RYR2: variants seen among roughly 807,000 people sequenced by gnomAD.
The protein encoded by RYR2 is ryanodine receptor 2, also known as cardiac muscle ryanodine receptor-calcium release channel.
Under a neutral mutation model 601.1 loss-of-function variants are expected in RYR2, and 227 were observed. The observed-to-expected ratio is 0.38, with a 90% confidence interval of 0.34 to 0.42. The LOEUF (loss-of-function observed/expected upper bound fraction) is 0.42, where lower values mean the gene tolerates loss of function less well. Ranked by LOEUF, RYR2 falls within the 10% of genes least tolerant of loss-of-function variation. The pLI, the probability that RYR2 is intolerant of heterozygous loss-of-function variation, is 1.00. For synonymous variants in RYR2, 2,223 were observed against 2,175.1 expected (o/e 1.02, Z -0.61); for missense variants, 4,646 against 6,156.5 (o/e 0.75, Z 8.21).
At chr1:237,312,668 G>A (rs1195585605) in intron 2 of RYR2, among the ~76,000 whole-genome samples, 1 of 152,152 alleles carries the variant, frequency 6.6e-6, no homozygotes, top group Non-Finnish European at 1.5e-5. Context: ...GACATAGGGA[G>A]ACTATAAACT....
chr1:237,699,512 C>T (rs1417895332), intron 64 of RYR2, among the ~76,000 whole-genome samples: 1 of 152,166 alleles, frequency 6.6e-6, no homozygotes, highest in Non-Finnish European at 1.5e-5. Flanking sequence ...AGAAATCTAG[C>T]ATGTTGACCA....
At chr1:237,510,478 A>G (rs942178689) in intron 23 of RYR2, among the ~76,000 whole-genome samples, 2 of 152,190 alleles carry the variant, frequency 1.3e-5, no homozygotes, top group African/African-American at 4.8e-5. Flanking sequence ...GAATAAAATT[A>G]CATAACTCAA....
At chr1:237,491,300 C>T (rs987384304) in intron 17 of RYR2, among the ~76,000 whole-genome samples, 1 of 152,082 alleles carries the variant, frequency 6.6e-6, no homozygotes. Flanking sequence ...GTCATGATCT[C>T]CATGGATTGG....
At chr1:237,636,237 C>A (rs1680859411) in intron 44 of RYR2, among the ~76,000 whole-genome samples, 1 of 151,638 alleles carries the variant, frequency 6.6e-6, no homozygotes. Context: ...AAATTCATCC[C>A]CTACTATAAT....
chr1:237,507,516 A>G (rs1361816973), intron 23 of RYR2, among the ~76,000 whole-genome samples: 1 of 152,240 alleles, frequency 6.6e-6, no homozygotes, highest in African/African-American at 2.4e-5. Flanking sequence ...ATGGAAATTA[A>G]TGTATTTACC....
chr1:237,634,710 A>G (rs981053276), intron 43 of RYR2, among the ~76,000 whole-genome samples, 179 bp from the exon 44 acceptor site: 1 of 150,614 alleles, frequency 6.6e-6, no homozygotes, highest in African/African-American at 2.5e-5. Context: ...TACACAATAT[A>G]TACAATTTTT....
chr1:237,242,182 T>C lies in RYR2; in HGVS notation c.49-28315T>C, dbSNP rs888582593. Among the ~76,000 whole-genome samples the C allele has an allele frequency of 7.7e-5, 10 of 129,226 alleles. No homozygotes were observed. The East Asian group carries it at 2.2e-3, about 28-fold the overall frequency. 84.8% of individuals were successfully genotyped at this position (129,226 alleles called of 152,430 possible). A position where few individuals can be genotyped will look rare whatever the true frequency, so the allele number is the denominator to read the frequency against. On this transcript the variant is annotated intron_variant, in intron 1 of 104. Transcript: ENST00000366574. ...TTTTTTCCAGTATGCCTAAACAGTATTTTGATCACTGTTTTTTTTGTTTGT... is the reference window on the plus strand; with the variant it reads ...TTTTTTCCAGTATGCCTAAACAGTACTTTGATCACTGTTTTTTTTGTTTGT...
intron 1 of RYR2, among the ~76,000 whole-genome samples, chr1:237,044,709 A>G (rs1326340983): frequency 6.6e-6 from 1 of 150,806 alleles, no homozygotes; most frequent in Non-Finnish European, 1.5e-5. Flanking sequence ...CAATTTTCCA[A>G]TTTTCATATG....
intron 1 of RYR2, among the ~76,000 whole-genome samples, chr1:237,094,013 G>A (rs1667245686): frequency 6.6e-6 from 1 of 152,200 alleles, no homozygotes; most frequent in Non-Finnish European, 1.5e-5. Flanking sequence ...GAGAAGGCAG[G>A]CAGCTGGGAG....
chr1:237,341,225 T>G (rs1341812673), intron 3 of RYR2, among the ~76,000 whole-genome samples: 3 of 152,224 alleles, frequency 2.0e-5, no homozygotes, highest in African/African-American at 4.8e-5. Context: ...AAAATTTTCA[T>G]TTGTAAACAT....
At chr1:237,735,695 A>G (rs552831654) in intron 79 of RYR2, among the ~76,000 whole-genome samples, 1 of 152,224 alleles carries the variant, frequency 6.6e-6, no homozygotes, top group Non-Finnish European at 1.5e-5. Flanking sequence ...GACTAATGGC[A>G]TAGTATTTGC....
chr1:237,112,745 T>TGAG (rs1319530955), intron 1 of RYR2, among the ~76,000 whole-genome samples: 1 of 152,180 alleles, frequency 6.6e-6, no homozygotes, highest in Non-Finnish European at 1.5e-5. Context: ...TATCTCCCCA[T>TGAG]GAGGATGTAA....
At position 237,585,290 on chromosome 1, in the gene RYR2, A is replaced by G. The variant is rs550629919; in HGVS notation, c.3599-4503A>G. Among the ~76,000 whole-genome samples the G allele has an allele frequency of 1.1e-4, 17 of 152,316 alleles. No homozygotes were observed. The South Asian group carries it at 3.5e-3, about 32-fold the overall frequency. On this transcript the variant is annotated intron_variant, in intron 29 of 104. Transcript: ENST00000366574. The stretch of plus-strand genomic sequence containing the variant: ...GTAGCTGTGAGGGCAAGTGATTTAA[A>G]CTAAGATTTTGGTTTCCTCATGTGG...
intron 1 of RYR2, among the ~76,000 whole-genome samples, chr1:237,112,548 C>G (rs552743573): frequency 6.8e-6 from 1 of 146,022 alleles, no homozygotes; most frequent in African/African-American, 2.6e-5. Flanking sequence ...TTCCCCCTAC[C>G]TCTTCTTTCT....
intron 51 of RYR2, among the ~76,000 whole-genome samples, chr1:237,652,010 T>G (rs1339137316): frequency 6.6e-6 from 1 of 151,750 alleles, no homozygotes; most frequent in Non-Finnish European, 1.5e-5. Flanking sequence ...GACTCCAGCC[T>G]GGGTGACAGA....
At chr1:237,763,861 T>C (rs917336099) in intron 84 of RYR2, among the ~76,000 whole-genome samples, 2 of 152,204 alleles carry the variant, frequency 1.3e-5, no homozygotes, top group Admixed American at 6.5e-5. Context: ...CACTCTTTTG[T>C]TTAAGATTCT....
intron 7 of RYR2, 73 bp downstream of exon 7, chr1:237,374,868 A>G (rs1206596141): frequency 1.8e-6 from 2 of 1,107,470 alleles, no homozygotes; most frequent in East Asian, 2.5e-5. Context: ...GAAGCCGGGA[A>G]ATACGATACA....
rs189676214 is a variant in RYR2 at position 237,608,651 on chromosome 1, C to T, written c.4684-2111C>T. On this transcript the variant is annotated intron_variant, in intron 35 of 104. Transcript: ENST00000366574. ...TGCAGACATGGAGGCTGCTGTGAGC[C>T]GTGATTGCGCTGCTGCACTCCAGCC... Among the ~76,000 whole-genome samples the T allele has an allele frequency of 1.6e-4, 24 of 152,104 alleles. No individual in the cohort carries two copies. The East Asian group carries it at 3.7e-3, about 23-fold the overall frequency.
chr1:237,075,563 C>T (rs1244148531), intron 1 of RYR2, among the ~76,000 whole-genome samples: 1 of 80,592 alleles, frequency 1.2e-5, no homozygotes, highest in Non-Finnish European at 2.6e-5. Context: ...TTGCGCTTTT[C>T]AGACCGGCTT....
Sources: gnomAD v4.1 joint callset for allele counts (sites outside exome capture counted in the v4.1 genomes callset) on GRCh38, gnomAD v4.1.1 for gene constraint, MANE v1.5 for transcripts, NCBI Gene and HGNC (gene_info 2026-07-23, HGNC 2026-07-21) for gene names.